The following CACNB2 variants were observed in gnomAD, a reference collection of about 807,000 sequenced individuals.
CACNB2 encodes voltage-dependent L-type calcium channel subunit beta-2.
In CACNB2, 42 loss-of-function variants were observed where a neutral mutation model predicts 73.3. The observed-to-expected ratio is 0.57, with a 90% CI of 0.45 to 0.74. The LOEUF (loss-of-function observed/expected upper bound fraction) is 0.74, where lower values mean the gene tolerates loss of function less well. CACNB2 is among the 30% of genes least tolerant of loss of function. CACNB2 has a pLI of 0.00. For synonymous variants in CACNB2, 348 were observed against 310.3 expected, an observed-to-expected ratio of 1.12 and a Z score of -1.28; for missense variants, 940 against 853.0, an observed-to-expected ratio of 1.10 and a Z score of -1.27.
At chr10:18,220,666 G>T (rs980044290) in intron 2 of CACNB2, among the ~76,000 whole-genome samples, 4 of 152,118 alleles carry the variant, frequency 2.6e-5, no homozygotes, top group African/African-American at 9.7e-5. Context: ...CCAGCAGTAG[G>T]TGAGCGCCTG....
chr10:18,416,876 A>G (rs1159701622), intron 3 of CACNB2, among the ~76,000 whole-genome samples: 1 of 152,022 alleles, frequency 6.6e-6, no homozygotes, highest in Non-Finnish European at 1.5e-5. Context: ...CTGATGGTGG[A>G]TACTGAAGGA....
At chr10:18,475,901 C>T (rs762280070) in intron 3 of CACNB2, among the ~76,000 whole-genome samples, 13 of 151,986 alleles carry the variant, frequency 8.6e-5, no homozygotes, top group African/African-American at 1.2e-4. Flanking sequence ...CAATACAGAC[C>T]CTGAGAGTGG....
intron 2 of CACNB2, among the ~76,000 whole-genome samples, chr10:18,270,479 G>T (rs1564393041): frequency 1.3e-5 from 2 of 152,072 alleles, no homozygotes; most frequent in Non-Finnish European, 2.9e-5. Flanking sequence ...GAGCAATCAT[G>T]GTATTTCTCT....
intron 3 of CACNB2, among the ~76,000 whole-genome samples, chr10:18,404,217 G>A (rs962597458): frequency 6.6e-6 from 1 of 152,072 alleles, no homozygotes; most frequent in African/African-American, 2.4e-5. Flanking sequence ...TAGGGTAAGT[G>A]AGAATTTAAA....
chr10:18,508,342 T>C (rs982150661), intron 6 of CACNB2, among the ~76,000 whole-genome samples: 2 of 152,216 alleles, frequency 1.3e-5, no homozygotes, highest in African/African-American at 2.4e-5. Flanking sequence ...GTGAAACTTA[T>C]ACCTTCCCTT....
rs964922602 is a variant in CACNB2, at chr10:18,294,003, C to T, written c.214-107921C>T. ...AATGTATCTGGTCTTCCTGCTTTTG[C>T]CACTGGCCAGTTTCCATTTGGATAT... On this transcript the variant is annotated intron_variant, in intron 2 of 13. Coordinates refer to ENST00000324631, the MANE Select transcript of CACNB2 (RefSeq NM_201596.3). 3.3e-5 allele frequency among the ~76,000 whole-genome samples: 5 copies of T among 152,312 alleles called. No individual in the cohort carries two copies. The East Asian group carries it at 9.6e-4, about 29-fold the overall frequency.
chr10:18,304,359 A>G (rs960978462), intron 2 of CACNB2, among the ~76,000 whole-genome samples: 2 of 152,208 alleles, frequency 1.3e-5, no homozygotes, highest in Non-Finnish European at 2.9e-5. Context: ...GAGGAAATGA[A>G]CTATGTTTAT....
chr10:18,520,506 T>C (rs2051754687), intron 9 of CACNB2, among the ~76,000 whole-genome samples: 1 of 152,212 alleles, frequency 6.6e-6, no homozygotes, highest in Non-Finnish European at 1.5e-5. Flanking sequence ...TTAAAGCCTG[T>C]GCTCAGGTTA....
rs78732963 is a variant in CACNB2 at position 18,325,915 on chromosome 10, T to C, written c.214-76009T>C. 4.0e-3 allele frequency among the ~76,000 whole-genome samples: 611 copies of C among 152,080 alleles called. 2 individuals are homozygous for C. The highest frequency in any genetic ancestry group is 0.015 in the South Asian group (70 of 4,806). On this transcript the variant is annotated intron_variant, in intron 2 of 13. Transcript: ENST00000324631. Reference sequence around the variant, plus strand: ...GCACACCACCATGCTCAGCTCATTTTTGTACTTTTTGTAGAGATGTAATTC... The same window carrying C: ...GCACACCACCATGCTCAGCTCATTTCTGTACTTTTTGTAGAGATGTAATTC...
chr10:18,233,673 G>C (rs2036311307), intron 2 of CACNB2, among the ~76,000 whole-genome samples: 1 of 152,172 alleles, frequency 6.6e-6, no homozygotes, highest in Non-Finnish European at 1.5e-5. Flanking sequence ...TTGAGTGCTA[G>C]TAGGTAGGTA....
intron 10 of CACNB2, among the ~76,000 whole-genome samples, chr10:18,532,676 C>CAAAAAAAAAAAAAAAAAAAAAAAAAAA (rs1219587375): frequency 1.7e-4 from 16 of 92,560 alleles, no homozygotes; most frequent in Non-Finnish European, 2.6e-4. Flanking sequence ...GACTCTGTCT[C>CAAAAAAAAAAAAAAAAAAAAAAAAAAA]AAAAAAAAAA....
intron 2 of CACNB2, among the ~76,000 whole-genome samples, chr10:18,249,650 T>A (rs1358732904): frequency 6.6e-6 from 1 of 152,176 alleles, no homozygotes; most frequent in Non-Finnish European, 1.5e-5. Flanking sequence ...TCACCTCTAA[T>A]GGGCGAGATG....
chr10:18,426,762 A>G (rs1184347421), intron 3 of CACNB2, among the ~76,000 whole-genome samples: 1 of 152,132 alleles, frequency 6.6e-6, no homozygotes. Flanking sequence ...ATCTTACCGT[A>G]CTGGCTAGAC....
chr10:18,217,436 A>T (rs1480628575), intron 2 of CACNB2, among the ~76,000 whole-genome samples: 9 of 152,138 alleles, frequency 5.9e-5, no homozygotes, highest in Admixed American at 5.9e-4. Flanking sequence ...GTGAGCCAAG[A>T]TCGTGCCGCT....
intron 2 of CACNB2, among the ~76,000 whole-genome samples, chr10:18,201,185 T>C (rs1221419854): frequency 6.6e-6 from 1 of 152,244 alleles, no homozygotes; most frequent in East Asian, 1.9e-4. Flanking sequence ...TATCATTTTC[T>C]AGCCACTGTG....
At chr10:18,536,243 CTTTT>C (rs904187820) in intron 12 of CACNB2, 47 bp downstream of exon 12, 784 of 280,346 alleles carry the variant, frequency 2.8e-3, no homozygotes, top group South Asian at 6.2e-3. Flanking sequence ...GAGATCAGAC[CTTTT>C]TTTTTTTTTT....
rs546671640 is a variant in CACNB2, at chr10:18,283,777, C to A, written c.214-118147C>A. Reference sequence around the variant, plus strand: ...GGCATATGTATACATATGTAACTAACCTGCACATTGTGCACATGTACCCTA... The same window carrying A: ...GGCATATGTATACATATGTAACTAAACTGCACATTGTGCACATGTACCCTA... On this transcript the variant is annotated intron_variant, in intron 2 of 13. Transcript: ENST00000324631. Among the ~76,000 whole-genome samples, 15 of 152,050 alleles carry A rather than the reference C, an allele frequency of 9.9e-5. No homozygotes were observed. The East Asian group carries it at 2.9e-3, about 29-fold the overall frequency.
chr10:18,465,723 C>A (rs1440202649), intron 3 of CACNB2, among the ~76,000 whole-genome samples: 1 of 150,260 alleles, frequency 6.7e-6, no homozygotes, highest in Non-Finnish European at 1.5e-5. Flanking sequence ...CCTTTGTCAA[C>A]CATGCTAGAG....
chr10:18,438,163 G>A (rs111788868), intron 3 of CACNB2, among the ~76,000 whole-genome samples: 19,685 of 143,724 alleles, frequency 0.14, 1,693 homozygotes, highest in East Asian at 0.25. Flanking sequence ...GACTACAGCC[G>A]CCCGCCAGCA....
Sources: gnomAD v4.1 joint callset for allele counts (sites outside exome capture counted in the v4.1 genomes callset) on GRCh38, gnomAD v4.1.1 for gene constraint, MANE v1.5 for transcripts, NCBI Gene and HGNC (gene_info 2026-07-23, HGNC 2026-07-21) for gene names.